Variants in IGFL2 observed in about 807,000 individuals in gnomAD.
IGFL2 encodes insulin growth factor-like family member 2.
In IGFL2, 7 loss-of-function variants were observed where a neutral mutation model predicts 13.9. The observed-to-expected ratio is 0.51, with a 90% CI of 0.29 to 0.95. The LOEUF (loss-of-function observed/expected upper bound fraction) is 0.95. Ranked by LOEUF, IGFL2 falls within the 40% of genes least tolerant of loss-of-function variation. The probability of loss-of-function intolerance (pLI) is 0.08; values close to 1 mark genes in which losing one functional copy is unlikely to be tolerated. For missense variants in IGFL2, 138 were observed against 147.8 expected (o/e 0.93, Z 0.34); for synonymous variants, 55 against 55.8 (o/e 0.99, Z 0.07).
the IGFL2 span, among the ~76,000 whole-genome samples, chr19:46,183,615 A>G: frequency 6.6e-6 from 1 of 151,130 alleles, no homozygotes; most frequent in African/African-American, 2.4e-5. Flanking sequence ...TGCTCACTGC[A>G]ACCTCCACCT....
At chr19:46,103,516 A>G in the IGFL2 span, among the ~76,000 whole-genome samples, 477 of 152,288 alleles carry the variant, frequency 3.1e-3, 2 homozygotes, top group Non-Finnish European at 3.9e-3. Context: ...AAGATCATCT[A>G]TCCACTCCAA....
the IGFL2 span, among the ~76,000 whole-genome samples, chr19:46,184,112 T>C: frequency 6.6e-6 from 1 of 152,254 alleles, no homozygotes; most frequent in African/African-American, 2.4e-5. Context: ...GACACACTTC[T>C]AATTTTGTTC....
At chr19:46,119,687 C>G in the IGFL2 span, among the ~76,000 whole-genome samples, 1 of 150,574 alleles carries the variant, frequency 6.6e-6, no homozygotes, top group Non-Finnish European at 1.5e-5. Context: ...GCAAAGACCA[C>G]TCTACTGCAG....
chr19:46,209,589 G>A, the IGFL2 span: 1 of 152,108 alleles, frequency 6.6e-6, no homozygotes, highest in African/African-American at 2.4e-5. Context: ...AAATAGGTGT[G>A]ACATTATTAC....
chr19:46,113,515 C>A, the IGFL2 span: 1 of 346,948 alleles, frequency 2.9e-6, no homozygotes, highest in Non-Finnish European at 5.9e-6. Flanking sequence ...CAAGATTTAT[C>A]TTTAACCTCA....
chr19:46,123,366 A>G, the IGFL2 span, among the ~76,000 whole-genome samples: 34 of 150,934 alleles, frequency 2.3e-4, 3 homozygotes, highest in African/African-American at 6.6e-4. Context: ...AATATGCTCA[A>G]ATTTACTGAC....
chr19:46,129,093 A>G, the IGFL2 span, among the ~76,000 whole-genome samples: 3 of 152,224 alleles, frequency 2.0e-5, no homozygotes, highest in Non-Finnish European at 2.9e-5. Flanking sequence ...GTCCAAAAAT[A>G]TATCAGTTTC....
At chr19:46,137,432 T>G in the IGFL2 span, 1 of 1,022,316 alleles carries the variant, frequency 9.8e-7, no homozygotes, top group Non-Finnish European at 1.6e-6. Flanking sequence ...ATGGACATTG[T>G]AATGGTGCTC....
chr19:46,137,176 G>A, the IGFL2 span: 1 of 1,605,408 alleles, frequency 6.2e-7, no homozygotes. Context: ...AGTTTTTGAT[G>A]CCCATCACAA....
chr19:46,200,508 T>TCTTTTC, the IGFL2 span, among the ~76,000 whole-genome samples: 1 of 49,688 alleles, frequency 2.0e-5, no homozygotes, highest in Non-Finnish European at 5.4e-5. Flanking sequence ...TCTTTTCTTT[T>TCTTTTC]CTCTTTTCTT....
chr19:46,112,829 G>T, the IGFL2 span, among the ~76,000 whole-genome samples: 1 of 152,188 alleles, frequency 6.6e-6, no homozygotes, highest in African/African-American at 2.4e-5. Context: ...CTATCAAATT[G>T]ATGATGTGGC....
the IGFL2 span, among the ~76,000 whole-genome samples, chr19:46,167,204 T>C: frequency 6.6e-6 from 1 of 152,236 alleles, no homozygotes; most frequent in African/African-American, 2.4e-5. Flanking sequence ...CTTCAGCCGT[T>C]CCCTCCGTTT....
chr19:46,095,392 ATTTG>A, the IGFL2 span, among the ~76,000 whole-genome samples: 2 of 151,636 alleles, frequency 1.3e-5, no homozygotes, highest in Non-Finnish European at 2.9e-5. Context: ...TTTCTTGTAA[ATTTG>A]TTTAAGTTCC....
upstream of IGFL2, among the ~76,000 whole-genome samples, chr19:46,139,691 TAAGC>T (rs1283363248): frequency 6.6e-6 from 1 of 152,050 alleles, no homozygotes; most frequent in East Asian, 1.9e-4. Flanking sequence ...AAAGTGGAAA[TAAGC>T]AAGTTCACAA....
the IGFL2 span, chr19:46,123,934 C>T: frequency 6.2e-7 from 1 of 1,611,418 alleles, no homozygotes; most frequent in Non-Finnish European, 8.5e-7. Context: ...AGACTTCATA[C>T]CCAGAACCCT....
the IGFL2 span, chr19:46,195,007 A>G: frequency 1.4e-5 from 2 of 142,946 alleles, no homozygotes; most frequent in Admixed American, 1.4e-4. Context: ...GAGCCACTGC[A>G]TCTGACCAAG....
chr19:46,082,013 C>T, the IGFL2 span, among the ~76,000 whole-genome samples: 1 of 152,166 alleles, frequency 6.6e-6, no homozygotes, highest in African/African-American at 2.4e-5. Flanking sequence ...TGGGAGAATC[C>T]TCACTTTCAT....
chr19:46,184,421 TCCCCCAC>T, the IGFL2 span, among the ~76,000 whole-genome samples: 754 of 152,096 alleles, frequency 5.0e-3, 3 homozygotes, highest in African/African-American at 0.017. Flanking sequence ...CCTCCCCCAG[TCCCCCAC>T]CCCCGACAGG....
At chr19:46,087,598 G>C in the IGFL2 span, among the ~76,000 whole-genome samples, 21 of 152,242 alleles carry the variant, frequency 1.4e-4, no homozygotes, top group Non-Finnish European at 2.8e-4. Context: ...ATGCTACTGG[G>C]AACAGTGAGA....
Sources: allele counts gnomAD v4.1 joint callset (sites outside exome capture counted in the v4.1 genomes callset), GRCh38; gene constraint gnomAD v4.1.1; transcripts MANE v1.5; gene names NCBI Gene and HGNC (gene_info 2026-07-23, HGNC 2026-07-21).